The following ANO8 variants were observed in gnomAD, a reference collection of about 807,000 sequenced individuals.
ANO8 encodes the protein anoctamin 8.
A neutral mutation model predicts 120.4 loss-of-function variants in ANO8; 67 were observed. The observed-to-expected ratio is 0.56, with a 90% confidence interval of 0.46 to 0.68. ANO8 has a LOEUF of 0.68. Ranked by LOEUF, ANO8 falls within the 30% of genes least tolerant of loss-of-function variation. The pLI, the probability that ANO8 is intolerant of heterozygous loss-of-function variation, is 0.00. For synonymous variants in ANO8, 727 were observed against 759.2 expected (o/e 0.96, Z 0.70); for missense variants, 1,526 against 1,737.6 (o/e 0.88, Z 2.16).
At chr19:17,324,142 G>C (rs1392798677) in intron 17 of ANO8, among the ~76,000 whole-genome samples, 1 of 151,374 alleles carries the variant, frequency 6.6e-6, no homozygotes, top group African/African-American at 2.4e-5. Flanking sequence ...TTGTGCTGCA[G>C]CTGCCACCTG....
In ANO8 at chr19:17,328,429, C is replaced by A. The variant is rs776226696; in HGVS notation, c.1959G>T (p.Val653=). The A allele has an allele frequency of 1.3e-6, 2 of 1,576,060 alleles. No homozygotes were observed. The highest frequency in any genetic ancestry group is 8.6e-7 in the Non-Finnish European group (1 of 1,166,890). Residue 653 remains valine (V), a synonymous_variant, in exon 13 of 18, where the codon GTG becomes GTT. Transcript: ENST00000159087. ...CGTCGTCCTCCTCGGCCAGGGTGAA[C>A]ACTCCCGGCTCCAGCCCCTTCTCCA... ...TMVEKGLEPG[V]FTLAEEDDEA...
At chr19:17,324,090 G>T (rs2074257221) in intron 17 of ANO8, among the ~76,000 whole-genome samples, 1 of 152,138 alleles carries the variant, frequency 6.6e-6, no homozygotes, top group Non-Finnish European at 1.5e-5. Context: ...CACAGGGGGA[G>T]GACAGTTTGA....
chr19:17,328,695 GC>G lies in ANO8; in HGVS notation c.1692del (p.Arg565GlyfsTer50). On this transcript the variant is annotated frameshift_variant, in exon 13 of 18. Coordinates refer to ENST00000159087, the MANE Select transcript of ANO8 (RefSeq NM_020959.3). LOFTEE classifies it high-confidence loss of function. The stretch of plus-strand genomic sequence containing the variant: ...TCCTCCCCGCCTTCCCCCGCCCGCC[GC>G]CGCTCCACCAGCGCCGCCTCCTCCT... Reference protein sequence around the residue: ...EEEEEAALVERRRAGEGGEEG... With the variant: ...EEEEEAALVEXRRAGEGGEEG... The G allele has an allele frequency of 1.0e-6, 1 of 980,104 alleles. No homozygotes were observed. The highest frequency in any genetic ancestry group is 1.9e-5 in the African/African-American group (1 of 52,338). The allele number at this position is 980,104 out of a possible 1,614,324, so 60.7% of individuals were successfully genotyped here.
intron 5 of ANO8, among the ~76,000 whole-genome samples, chr19:17,332,329 C>T (rs896559306): frequency 2.0e-5 from 3 of 152,162 alleles, no homozygotes; most frequent in Admixed American, 1.3e-4. Flanking sequence ...TGGCTCACTG[C>T]AACCTCGAAC....
In ANO8 at chr19:17,323,766, C is replaced by T; in HGVS notation, c.3450G>A (p.Gln1150=). 1 of 1,187,192 alleles carries T rather than the reference C, an allele frequency of 8.4e-7. No homozygotes were observed. Among genetic ancestry groups the T allele is most frequent in the Non-Finnish European group, 1.0e-6 (1 of 958,920 alleles). The allele number at this position is 1,187,192 out of a possible 1,614,324, so 73.5% of individuals were successfully genotyped here. ...RPPTPPAGCW[Q]WDGPWGCGGE... is the part of the protein sequence containing the mutation. ...CCCCGCAGCCCCAGGGCCCGTCCCA[C>T]TGCCAGCAGCCTGCGGGCGGTGTCG... Residue 1150 remains glutamine, a synonymous_variant, in exon 18 of 18, where the codon CAG becomes CAA. Coordinates refer to ENST00000159087, the MANE Select transcript of ANO8 (RefSeq NM_020959.3).
chr19:17,328,805 G>A lies in ANO8; in HGVS notation c.1583C>T (p.Pro528Leu). 3 of 1,394,032 alleles carry A rather than the reference G, an allele frequency of 2.2e-6. No homozygotes were observed. The highest frequency in any genetic ancestry group is 3.1e-5 in the East Asian group (1 of 32,576). The allele number at this position is 1,394,032 out of a possible 1,614,324, so 86.4% of individuals were successfully genotyped here. A position where few individuals can be genotyped will look rare whatever the true frequency, so the allele number is the denominator to read the frequency against. Reference protein sequence around the residue: ...LRRPAPRRLEPQADEGGGGGS... With the variant: ...LRRPAPRRLELQADEGGGGGS... ...GCCGCCCCCGCCCTCATCCGCCTGG[G>A]GTTCGAGGCGGCGGGGCGCAGGGCG... Residue 528 changes from proline (P) to leucine (L), a missense_variant, in exon 13 of 18, where the codon CCC becomes CTC. Transcript: ENST00000159087.
At chr19:17,332,907 G>A (rs766797837) in intron 5 of ANO8, 23 bp downstream of exon 5, 3 of 1,612,350 alleles carry the variant, frequency 1.9e-6, no homozygotes, top group Non-Finnish European at 1.7e-6. Context: ...GCCTGTGATT[G>A]GTGTTGACCC....
Position 17,329,828 on chromosome 19 carries a change from G to C in ANO8, c.1333C>G (p.Gln445Glu). 1 of 1,613,962 alleles carries C rather than the reference G, an allele frequency of 6.2e-7. No individual in the cohort carries two copies. The highest frequency in any genetic ancestry group is 8.5e-7 in the Non-Finnish European group (1 of 1,179,954). Residue 445 changes from glutamine to glutamate, a missense_variant, in exon 12 of 18, where the codon CAG becomes GAG. Gln to Glu is a conservative substitution (Grantham distance 29, BLOSUM62 2). Coordinates refer to ENST00000159087, the MANE Select transcript of ANO8 (RefSeq NM_020959.3). Reference protein sequence around the residue: ...KHLIIKVVLFQFVNSYLSLFY... With the variant: ...KHLIIKVVLFEFVNSYLSLFY... ...AGGCTCAGGTACGAGTTGACAAACTGGAACTGCAGGAAGGAGGCAGGCGGT... is the reference window on the plus strand; with the variant it reads ...AGGCTCAGGTACGAGTTGACAAACTCGAACTGCAGGAAGGAGGCAGGCGGT...
intron 14 of ANO8, 23 bp downstream of exon 14, chr19:17,327,666 C>T (rs201862681): frequency 1.2e-6 from 2 of 1,610,362 alleles, no homozygotes; most frequent in Non-Finnish European, 1.7e-6. Context: ...GGCCTCAGCT[C>T]GGATCTCTTG....
Position 17,324,818 on chromosome 19 carries a change from C to T in ANO8, c.3230G>A (p.Gly1077Glu), listed in dbSNP as rs758470454. 1.2e-6 allele frequency: 2 copies of T among 1,605,286 alleles called. No homozygotes were observed. Among genetic ancestry groups the T allele is most frequent in the African/African-American group, 1.3e-5 (1 of 74,690 alleles). ...CCGGCTGCTGCCACTGCTGGGGGTC[C>T]CATCTGGCCGGGCCTGCCCGCCCGC... Reference protein sequence around the residue: ...NGAGGQARPDGTPSSGSSRVQ... With the variant: ...NGAGGQARPDETPSSGSSRVQ... Residue 1077 changes from glycine (G) to glutamate (E), a missense_variant, in exon 17 of 18, where the codon GGG (glycine) becomes GAG (glutamate). Coordinates refer to ENST00000159087, the MANE Select transcript of ANO8 (RefSeq NM_020959.3).
intron 6 of ANO8, 32 bp downstream of exon 6, chr19:17,331,263 G>A (rs374745815): frequency 2.2e-4 from 349 of 1,614,018 alleles, no homozygotes; most frequent in Non-Finnish European, 2.8e-4. Context: ...TGTCTGCTGG[G>A]ACTCCCTCCC....
Position 17,331,414 on chromosome 19 carries a change from G to T in ANO8, c.587-3C>A. 1 of 1,612,828 alleles carries T rather than the reference G, an allele frequency of 6.2e-7. No individual in the cohort carries two copies. On this transcript the variant is annotated splice_region_variant and splice_polypyrimidine_tract_variant and intron_variant, in intron 5 of 17. Coordinates refer to ENST00000159087, the MANE Select transcript of ANO8 (RefSeq NM_020959.3). ...CCCACGTGCTGCCAGCTCCGGGACT[G>T]TGGAGGGAGGAGCACAGGTGATCCC...
chr19:17,328,149 G>A lies in ANO8; in HGVS notation c.2226+13C>T, dbSNP rs1568359495. 6 of 1,287,544 alleles carry A rather than the reference G, an allele frequency of 4.7e-6. No homozygotes were observed. Among genetic ancestry groups the A allele is most frequent in the Non-Finnish European group, 6.3e-6 (6 of 956,422 alleles). The allele number at this position is 1,287,544 out of a possible 1,614,324, so 79.8% of individuals were successfully genotyped here. ...GAGGCCCCGCCCCCTGCGAGGCCCC[G>A]CCCCCTCCTCACCTCGTACTTCTTC... On this transcript the variant is annotated intron_variant, in intron 13 of 17. Transcript: ENST00000159087.
chr19:17,325,357 G>A lies in ANO8; in HGVS notation c.2691C>T (p.Tyr897=), dbSNP rs2145683889. 1 of 1,596,762 alleles carries A rather than the reference G, an allele frequency of 6.3e-7. No homozygotes were observed. The highest frequency in any genetic ancestry group is 1.7e-4 in the Middle Eastern group (1 of 6,020). The change falls in exon 17 of 18, where the codon TAC becomes TAT. Residue 897 remains tyrosine, a synonymous_variant. Coordinates refer to ENST00000159087, the MANE Select transcript of ANO8 (RefSeq NM_020959.3). ...CCCGCCGCCTGCGCTGCTGCTGCTGGTAGCGATGCTGGGCCTGGCGCTCGT... is the reference window on the plus strand; with the variant it reads ...CCCGCCGCCTGCGCTGCTGCTGCTGATAGCGATGCTGGGCCTGGCGCTCGT... ...KRHERQAQHR[Y]QQQQRRRREE...
In ANO8 at chr19:17,333,507, C is replaced by A. The variant is rs769277455; in HGVS notation, c.265G>T (p.Val89Leu). The stretch of plus-strand genomic sequence containing the variant: ...TGCACGATGAGCTCGGGAATGCCCA[C>A]GCGGATGTGGTTCAGCAGCCATAGC... The part of the protein sequence containing the change: ...TLLWLLNHIR[V>L]GIPELIVQVR... Residue 89 changes from valine (V) to leucine (L), a missense_variant, in exon 3 of 18, where the codon GTG (valine) becomes TTG (leucine). Val to Leu is a conservative substitution (Grantham distance 32, BLOSUM62 1). Transcript: ENST00000159087. This position sits in a 1 kb window ranked among gnomAD's most constrained non-coding sequence, Gnocchi z 7.2. The A allele has an allele frequency of 6.2e-7, 1 of 1,613,048 alleles. No homozygotes were observed. The highest frequency in any genetic ancestry group is 8.5e-7 in the Non-Finnish European group (1 of 1,179,984).
Position 17,325,343 on chromosome 19 carries a change from C to CGCT in ANO8, c.2702_2704dup (p.Gln901dup), listed in dbSNP as rs778629282. On this transcript the variant is annotated inframe_insertion, in exon 17 of 18. Transcript: ENST00000159087. ...TCGCTCCTCCTCCTCCCGCCGCCTGCGCTGCTGCTGCTGGTAGCGATGCTG... is the reference window on the plus strand; with the variant it reads ...TCGCTCCTCCTCCTCCCGCCGCCTGCGCTGCTGCTGCTGCTGGTAGCGATGCTG... 73 of 1,600,310 alleles carry CGCT rather than the reference C, an allele frequency of 4.6e-5. No homozygotes were observed. Among genetic ancestry groups the CGCT allele is most frequent in the Middle Eastern group, 1.6e-4 (1 of 6,064 alleles).
rs762436988 is a variant in ANO8 at position 17,331,432 on chromosome 19, G to A, written c.587-21C>T. The stretch of plus-strand genomic sequence containing the variant: ...CGGGACTGTGGAGGGAGGAGCACAG[G>A]TGATCCCCGCCCCTCCACCTGTGCC... On this transcript the variant is annotated intron_variant, in intron 5 of 17. Coordinates refer to ENST00000159087, the MANE Select transcript of ANO8 (RefSeq NM_020959.3). 3.1e-6 allele frequency: 5 copies of A among 1,607,210 alleles called. No homozygotes were observed. The Admixed American group carries it at 6.7e-5, about 21-fold the overall frequency.
Position 17,323,464 on chromosome 19 carries a change from C to T in ANO8, c.*53G>A. 3 of 1,284,778 alleles carry T rather than the reference C, an allele frequency of 2.3e-6. No individual in the cohort carries two copies. Among genetic ancestry groups the T allele is most frequent in the Admixed American group, 3.1e-5 (1 of 32,402 alleles). The allele number at this position is 1,284,778 out of a possible 1,614,324, so 79.6% of individuals were successfully genotyped here. ...CATTTTGCATTTTGGAGACCGGCCG[C>T]CCCTGTGAATGACTGATATTGCATA... On this transcript the variant is annotated 3_prime_UTR_variant, in exon 18 of 18. Coordinates refer to ENST00000159087, the MANE Select transcript of ANO8 (RefSeq NM_020959.3).
At position 17,328,363 on chromosome 19, in the gene ANO8, C is replaced by G. The variant is rs765618746; in HGVS notation, c.2025G>C (p.Pro675=). 1.9e-6 allele frequency: 3 copies of G among 1,574,840 alleles called. No individual in the cohort carries two copies. Among genetic ancestry groups the G allele is most frequent in the Non-Finnish European group, 1.7e-6 (2 of 1,164,760 alleles). Residue 675 remains proline, a synonymous_variant, in exon 13 of 18, where the codon CCG becomes CCC. Coordinates refer to ENST00000159087, the MANE Select transcript of ANO8 (RefSeq NM_020959.3). ...CCCCGGCCCGGCGGAACAAGATGGC[C>G]GGGGGCTCCCGTTCAGGGCTGCCGG... ...GAPGSPEREP[P]AILFRRAGGE...
Sources: allele counts gnomAD v4.1 joint callset (sites outside exome capture counted in the v4.1 genomes callset), GRCh38; gene constraint gnomAD v4.1.1; non-coding constraint Gnocchi (gnomAD v3.1); transcripts MANE v1.5; gene names NCBI Gene and HGNC (gene_info 2026-07-23, HGNC 2026-07-21).